The following CACNA1A variants were observed in gnomAD, a reference collection of about 807,000 sequenced individuals.
The protein encoded by CACNA1A is calcium voltage-gated channel subunit alpha1 A, also known as voltage-dependent P/Q-type calcium channel subunit alpha-1A.
In CACNA1A, 57 loss-of-function variants were observed where a neutral mutation model predicts 262.4. The observed-to-expected ratio is 0.22, with a 90% CI of 0.18 to 0.27. The LOEUF is 0.27. CACNA1A is among the 10% of genes least tolerant of loss of function. The pLI is 1.00. For synonymous variants in CACNA1A, 1,431 were observed against 1,419.3 expected (o/e 1.01, Z -0.18); for missense variants, 2,526 against 3,562.8 (o/e 0.71, Z 7.41).
At chr19:13,279,339 GA>G (rs2057228858) in intron 22 of CACNA1A, among the ~76,000 whole-genome samples, 1 of 152,068 alleles carries the variant, frequency 6.6e-6, no homozygotes, top group Admixed American at 6.6e-5. Flanking sequence ...TCATTACAGG[GA>G]AATGCCAAGC....
At chr19:13,417,288 G>C (rs571421262) in intron 3 of CACNA1A, among the ~76,000 whole-genome samples, 1 of 152,320 alleles carries the variant, frequency 6.6e-6, no homozygotes, top group East Asian at 1.9e-4. Context: ...TGCACGCTCG[G>C]TATGTGGGTC....
At position 13,261,725 on chromosome 19, in the gene CACNA1A, G is replaced by T. The variant is rs1359851883; in HGVS notation, c.4090-115C>A. Reference sequence around the variant, plus strand: ...TGATCATTCCCATTTTACAGGCAAGGTCATAAGTCAAGTCACTAGGGTAAG... The same window carrying T: ...TGATCATTCCCATTTTACAGGCAAGTTCATAAGTCAAGTCACTAGGGTAAG... On this transcript the variant is annotated intron_variant, in intron 25 of 46. Coordinates refer to ENST00000360228, the MANE Select transcript of CACNA1A (RefSeq NM_001127222.2). 3.8e-6 allele frequency: 4 copies of T among 1,041,266 alleles called. No individual in the cohort carries two copies. In the African/African-American group the frequency reaches 4.7e-5, roughly 12 times the overall value. 64.5% of individuals were successfully genotyped at this position (1,041,266 alleles called of 1,614,324 possible).
At position 13,412,729 on chromosome 19, in the gene CACNA1A, G is replaced by A. The variant is rs547363619; in HGVS notation, c.539+40147C>T. Among the ~76,000 whole-genome samples, 12 of 152,066 alleles carry A rather than the reference G, an allele frequency of 7.9e-5. No individual in the cohort carries two copies. The South Asian group carries it at 1.0e-3, about 13-fold the overall frequency. ...CAACCTCAGGTGATCTACCTGTCTCGGCCTCCCAAAGTGCTGGGATTACAG... is the reference window on the plus strand; with the variant it reads ...CAACCTCAGGTGATCTACCTGTCTCAGCCTCCCAAAGTGCTGGGATTACAG... On this transcript the variant is annotated intron_variant, in intron 3 of 46. Transcript: ENST00000360228.
chr19:13,396,291 G>A (rs575125160), intron 3 of CACNA1A, among the ~76,000 whole-genome samples: 1 of 152,332 alleles, frequency 6.6e-6, no homozygotes, highest in East Asian at 1.9e-4. Context: ...CTCCATCGCA[G>A]CAAAGCAGCT....
chr19:13,222,959 C>T (rs866640511), intron 38 of CACNA1A, among the ~76,000 whole-genome samples: 2 of 152,170 alleles, frequency 1.3e-5, no homozygotes, highest in African/African-American at 2.4e-5. Context: ...TCCCAAAGTG[C>T]TGGGATTACA....
rs1203951299 is a variant in CACNA1A at position 13,255,181 on chromosome 19, G to A, written c.4669C>T (p.Arg1557Cys). The part of the protein sequence containing the change: ...MPQNKQSFQY[R>C]MWQFVVSPPF... ...GGAGACACCACGAACTGCCACATGC[G>A]GTACTGGAAGCTCTGCTTGTTCTGC... Residue 1557 changes from arginine (R) to cysteine (C), a missense_variant, in exon 29 of 47, where the codon CGC becomes TGC. Physicochemically the swap from Arg to Cys is radical, Grantham distance 180. Around this residue, in one of 17 missense-constraint regions of CACNA1A, gnomAD observed 36 missense variants for 47.3 expected, o/e 0.76. Transcript: ENST00000360228. 3.7e-6 allele frequency: 6 copies of A among 1,613,692 alleles called. No individual in the cohort carries two copies. Among genetic ancestry groups the A allele is most frequent in the South Asian group, 2.2e-5 (2 of 91,070 alleles).
intron 28 of CACNA1A, 110 bp from the exon 29 acceptor site, chr19:13,255,369 C>T (rs1171379404): frequency 1.0e-6 from 1 of 966,904 alleles, no homozygotes; most frequent in Non-Finnish European, 1.5e-6. Flanking sequence ...CTGCTTGAGT[C>T]TCTGCCTCTC....
chr19:13,317,167 C>A lies in CACNA1A; in HGVS notation c.1500G>T (p.Thr500=), dbSNP rs373192672. ...TGTAGTGAACAATAGCAACACACAG[C>A]GTGTTGAGAGCTACCAAACTGAGTA... The part of the protein sequence containing the change: ...WTVLSLVALN[T]LCVAIVHYNQ... Residue 500 remains threonine (T), a synonymous_variant, in exon 11 of 47, where the codon ACG becomes ACT. Transcript: ENST00000360228. 1.1e-5 allele frequency: 17 copies of A among 1,613,128 alleles called. No individual in the cohort carries two copies. The South Asian group carries it at 1.6e-4, about 16-fold the overall frequency.
chr19:13,455,592 T>C (rs1460731492), intron 1 of CACNA1A, among the ~76,000 whole-genome samples: 1 of 152,218 alleles, frequency 6.6e-6, no homozygotes, highest in Non-Finnish European at 1.5e-5. Flanking sequence ...CTACATCATG[T>C]ATACTATGCT....
At chr19:13,307,987 G>A (rs894876523) in intron 14 of CACNA1A, 133 bp from the exon 15 acceptor site, 1 of 1,394,122 alleles carries the variant, frequency 7.2e-7, no homozygotes, top group Non-Finnish European at 1.0e-6. Flanking sequence ...TGGTACCCAG[G>A]GCCCTGCCCA....
intron 15 of CACNA1A, 118 bp downstream of exon 15, chr19:13,307,664 G>T: frequency 1.3e-6 from 1 of 741,428 alleles, no homozygotes; most frequent in South Asian, 1.7e-5. Flanking sequence ...GTTTCAAAGT[G>T]GTGTGAAAAG....
chr19:13,280,784 T>C lies in CACNA1A; in HGVS notation c.3822+2483A>G, dbSNP rs146157136. ...TGTGAAACCCCGTCTCTACTAAAAA[T>C]ACAAAAATTAGCCGGGTGTGGTGGC... On this transcript the variant is annotated intron_variant, in intron 22 of 46. Transcript: ENST00000360228. 7.9e-3 allele frequency among the ~76,000 whole-genome samples: 1,193 copies of C among 151,700 alleles called. 13 individuals are homozygous for C. Among genetic ancestry groups the C allele is most frequent in the African/African-American group, 0.028 (1,155 of 41,374 alleles).
intron 10 of CACNA1A, among the ~76,000 whole-genome samples, chr19:13,317,927 G>A (rs2058159303): frequency 6.6e-6 from 1 of 152,166 alleles, no homozygotes; most frequent in African/African-American, 2.4e-5. Context: ...AAGGGGAGGA[G>A]ACAGACAGTG....
intron 11 of CACNA1A, 24 bp downstream of exon 11, chr19:13,317,087 AG>A (rs1304558868): frequency 6.6e-7 from 1 of 1,519,904 alleles, no homozygotes; most frequent in Non-Finnish European, 9.1e-7. Context: ...GGGAGTTGGC[AG>A]GGGTGGGGCT....
intron 20 of CACNA1A, among the ~76,000 whole-genome samples, chr19:13,285,537 G>T (rs1467128866): frequency 2.0e-5 from 3 of 151,912 alleles, no homozygotes; most frequent in African/African-American, 7.3e-5. Context: ...CCTTGAGTGC[G>T]GTGGGGCCCT....
chr19:13,374,057 C>G (rs2144569780), intron 3 of CACNA1A, among the ~76,000 whole-genome samples: 1 of 152,236 alleles, frequency 6.6e-6, no homozygotes, highest in African/African-American at 2.4e-5. Flanking sequence ...GGGGAGAAAT[C>G]TGGCCAGTGG....
At chr19:13,348,121 G>C (rs539406936) in intron 6 of CACNA1A, among the ~76,000 whole-genome samples, 1 of 152,010 alleles carries the variant, frequency 6.6e-6, no homozygotes, top group East Asian at 1.9e-4. Flanking sequence ...ATGGGGTCTT[G>C]CTTTTTGACC....
intron 10 of CACNA1A, among the ~76,000 whole-genome samples, chr19:13,320,260 G>T (rs2058224774): frequency 6.6e-6 from 1 of 151,872 alleles, no homozygotes; most frequent in African/African-American, 2.4e-5. Flanking sequence ...GAGAGAGAGA[G>T]AGAGAGAGAG....
Position 13,212,772 on chromosome 19 carries a change from C to A in CACNA1A, c.5941-32G>T. On this transcript the variant is annotated intron_variant, in intron 40 of 46. Transcript: ENST00000360228. The surrounding 1 kb of genome is among the most constrained non-coding windows in gnomAD (Gnocchi z 5.6). ...AATGGGGCAGAGAGCAGTGTGTGGACAAGGGTGGGGTGGTGGGACGGTGGT... is the reference window on the plus strand; with the variant it reads ...AATGGGGCAGAGAGCAGTGTGTGGAAAAGGGTGGGGTGGTGGGACGGTGGT... 2.4e-6 allele frequency: 3 copies of A among 1,247,936 alleles called. No individual in the cohort carries two copies. Among genetic ancestry groups the A allele is most frequent in the Non-Finnish European group, 3.3e-6 (3 of 912,040 alleles). 77.3% of individuals were successfully genotyped at this position (1,247,936 alleles called of 1,614,324 possible).
Sources: gnomAD v4.1 joint callset for allele counts (sites outside exome capture counted in the v4.1 genomes callset) on GRCh38, gnomAD v4.1.1 for gene constraint, gnomAD v4.1.1 regional missense constraint, Gnocchi (gnomAD v3.1) non-coding constraint, MANE v1.5 for transcripts, NCBI Gene and HGNC (gene_info 2026-07-23, HGNC 2026-07-21) for gene names.